The following PACRG variants were observed in gnomAD, a reference collection of about 807,000 sequenced individuals.
The protein encoded by PACRG is parkin coregulated, also known as parkin coregulated gene protein.
Under a neutral mutation model 29.7 loss-of-function variants are expected in PACRG, and 29 were observed. The ratio of observed to expected loss-of-function variants is 0.98; its 90% CI spans 0.73 to 1.33. The LOEUF is 1.33. Among genes scored for constraint, PACRG ranks in the 40% most tolerant of loss-of-function variants. The probability of loss-of-function intolerance (pLI) is 0.00; values close to 1 mark genes in which losing one functional copy is unlikely to be tolerated. For missense variants in PACRG, 279 were observed against 316.2 expected (o/e 0.88, Z 0.89); for synonymous variants, 116 against 118.7 (o/e 0.98, Z 0.15).
chr6:162,883,092 A>T (rs1794036518), intron 2 of PACRG, among the ~76,000 whole-genome samples: 1 of 152,324 alleles, frequency 6.6e-6, no homozygotes, highest in South Asian at 2.1e-4. Flanking sequence ...TACTAAATGA[A>T]ACTAATTTTT....
At chr6:163,023,951 A>T (rs1159289063) in intron 2 of PACRG, among the ~76,000 whole-genome samples, 1 of 152,114 alleles carries the variant, frequency 6.6e-6, no homozygotes, top group African/African-American at 2.4e-5. Context: ...CAATTGTTTA[A>T]GTTCCCTAGA....
intron 2 of PACRG, among the ~76,000 whole-genome samples, chr6:162,927,277 T>C (rs1358266017): frequency 6.6e-6 from 1 of 152,134 alleles, no homozygotes; most frequent in Non-Finnish European, 1.5e-5. Flanking sequence ...AGAAGTATCA[T>C]TTGACCCAGC....
intron 4 of PACRG, among the ~76,000 whole-genome samples, chr6:163,146,832 C>T (rs1457434433): frequency 6.6e-6 from 1 of 152,204 alleles, no homozygotes; most frequent in Admixed American, 6.5e-5. Context: ...TTTGTCCAAA[C>T]ATCTCTAATT....
intron 2 of PACRG, among the ~76,000 whole-genome samples, chr6:163,039,456 C>T (rs1808494486): frequency 6.6e-6 from 1 of 152,278 alleles, no homozygotes; most frequent in South Asian, 2.1e-4. Flanking sequence ...GGCAGAGATT[C>T]AAACAGTTTG....
chr6:162,879,151 A>G (rs1371998213), intron 2 of PACRG, among the ~76,000 whole-genome samples: 1 of 152,202 alleles, frequency 6.6e-6, no homozygotes, highest in African/African-American at 2.4e-5. Context: ...TCACAAGAAC[A>G]ATATCAAGCT....
chr6:162,777,938 A>T lies in PACRG; in HGVS notation c.157-36209A>T, dbSNP rs1783776517. 6.6e-6 allele frequency among the ~76,000 whole-genome samples: 1 copy of T among 150,526 alleles called. No individual in the cohort carries two copies. The highest frequency in any genetic ancestry group is 6.6e-5 in the Admixed American group (1 of 15,150). On this transcript the variant is annotated intron_variant, in intron 1 of 4. Coordinates refer to ENST00000366888, the MANE Select transcript of PACRG (RefSeq NM_001080379.2). The surrounding 1 kb of genome is among the most constrained non-coding windows in gnomAD (Gnocchi z 4.0). Reference sequence around the variant, plus strand: ...TTCCATCTCCTTTCTCCCAAAACATATTTGTAGTGAACACATCCTTTGGGC... The same window carrying T: ...TTCCATCTCCTTTCTCCCAAAACATTTTTGTAGTGAACACATCCTTTGGGC...
At chr6:163,246,520 T>C (rs1236136967) in intron 4 of PACRG, among the ~76,000 whole-genome samples, 1 of 152,230 alleles carries the variant, frequency 6.6e-6, no homozygotes, top group Non-Finnish European at 1.5e-5. Flanking sequence ...CTGAAATATG[T>C]AATGTTTACA....
In PACRG at chr6:163,279,940, G is replaced by A. The variant is rs146257792; in HGVS notation, c.614-34887G>A. On this transcript the variant is annotated intron_variant, in intron 4 of 4. Coordinates refer to ENST00000366888, the MANE Select transcript of PACRG (RefSeq NM_001080379.2). Reference sequence around the variant, plus strand: ...CAACCTAGCAGGGCATCCACCCTCAGCCTGCACTGCGCATCCTTGTTTTGG... The same window carrying A: ...CAACCTAGCAGGGCATCCACCCTCAACCTGCACTGCGCATCCTTGTTTTGG... 6.7e-3 allele frequency among the ~76,000 whole-genome samples: 1,016 copies of A among 152,298 alleles called. 12 individuals are homozygous for A. Among genetic ancestry groups the A allele is most frequent in the African/African-American group, 0.023 (969 of 41,554 alleles).
chr6:163,051,223 T>G (rs2128247750), intron 2 of PACRG: 1 of 152,370 alleles, frequency 6.6e-6, no homozygotes, highest in African/African-American at 2.4e-5. Context: ...TTAAATTATT[T>G]ATCTTGAGAT....
At chr6:162,791,542 A>G (rs1370762408) in intron 1 of PACRG, among the ~76,000 whole-genome samples, 3 of 152,058 alleles carry the variant, frequency 2.0e-5, no homozygotes, top group African/African-American at 7.2e-5. Flanking sequence ...TAGGATTCCT[A>G]TTTGCCTTGT....
chr6:163,185,700 T>G (rs912973507), intron 4 of PACRG, among the ~76,000 whole-genome samples: 1 of 152,186 alleles, frequency 6.6e-6, no homozygotes, highest in Non-Finnish European at 1.5e-5. Context: ...TTAGCTTAGT[T>G]GCAGTTGTGG....
At chr6:163,033,757 A>G (rs866261356) in intron 2 of PACRG, among the ~76,000 whole-genome samples, 2 of 152,234 alleles carry the variant, frequency 1.3e-5, no homozygotes, top group Admixed American at 6.5e-5. Context: ...GCATGGCCAC[A>G]TGGTTACAAG....
intron 2 of PACRG, among the ~76,000 whole-genome samples, chr6:162,990,043 C>T (rs1177303555): frequency 6.7e-6 from 1 of 150,256 alleles, no homozygotes; most frequent in African/African-American, 2.4e-5. Context: ...CCAATTTCAT[C>T]CATGTCCCTA....
At chr6:163,294,049 C>A (rs57948965) in intron 4 of PACRG, among the ~76,000 whole-genome samples, 112 of 146,142 alleles carry the variant, frequency 7.7e-4, no homozygotes, top group African/African-American at 3.1e-3. Context: ...TCTTTACCCC[C>A]CAAAAAAATT....
chr6:162,956,404 C>T (rs185448105), intron 2 of PACRG, among the ~76,000 whole-genome samples: 64 of 152,268 alleles, frequency 4.2e-4, no homozygotes, highest in African/African-American at 1.3e-3. Context: ...AGCTTTGCCC[C>T]GCTTTACCTG....
At chr6:163,001,588 A>G (rs1804595746) in intron 2 of PACRG, among the ~76,000 whole-genome samples, 1 of 152,312 alleles carries the variant, frequency 6.6e-6, no homozygotes, top group East Asian at 1.9e-4. Context: ...TATCTTGTAC[A>G]CTGGAAATAG....
chr6:163,030,780 G>A (rs969087605), intron 2 of PACRG, among the ~76,000 whole-genome samples: 7 of 152,172 alleles, frequency 4.6e-5, no homozygotes, highest in African/African-American at 1.7e-4. Flanking sequence ...TGTTGCCATG[G>A]CATTTGTAAA....
At chr6:162,797,334 C>T (rs1261087345) in intron 1 of PACRG, among the ~76,000 whole-genome samples, 3 of 152,076 alleles carry the variant, frequency 2.0e-5, no homozygotes, top group South Asian at 4.1e-4. Flanking sequence ...AGATTTTATA[C>T]CTAAAGGGCA....
At position 163,123,526 on chromosome 6, in the gene PACRG, C is replaced by T. The variant is rs189619013; in HGVS notation, c.613+34118C>T. Among the ~76,000 whole-genome samples, 637 of 151,776 alleles carry T rather than the reference C, an allele frequency of 4.2e-3. 2 individuals are homozygous for T. The highest frequency in any genetic ancestry group is 5.0e-3 in the Non-Finnish European group (337 of 67,930). ...TTATTTCTTAATAACTCCTATATTA[C>T]TACCCTCCTAACAGAATTTTAAGTG... On this transcript the variant is annotated intron_variant, in intron 4 of 4. Coordinates refer to ENST00000366888, the MANE Select transcript of PACRG (RefSeq NM_001080379.2).
Sources: allele counts gnomAD v4.1 joint callset (sites outside exome capture counted in the v4.1 genomes callset), GRCh38; gene constraint gnomAD v4.1.1; non-coding constraint Gnocchi (gnomAD v3.1); transcripts MANE v1.5; gene names NCBI Gene and HGNC (gene_info 2026-07-23, HGNC 2026-07-21).